Variants in C8orf34 observed in about 807,000 individuals in gnomAD.
The protein encoded by C8orf34 is chromosome 8 open reading frame 34, also known as uncharacterized protein C8orf34.
Under a neutral mutation model 68.3 loss-of-function variants are expected in C8orf34, and 65 were observed. The observed-to-expected ratio is 0.95, with a 90% confidence interval of 0.78 to 1.17. C8orf34 has a LOEUF of 1.17. C8orf34 is among the 50% of genes most tolerant of loss of function. The pLI, the probability that C8orf34 is intolerant of heterozygous loss-of-function variation, is 0.00. For missense variants in C8orf34, 664 were observed against 655.4 expected, an observed-to-expected ratio of 1.01 and a Z score of -0.14; for synonymous variants, 244 against 241.2, an observed-to-expected ratio of 1.01 and a Z score of -0.11.
At chr8:68,815,333 T>C (rs1303430398) in intron 12 of C8orf34, among the ~76,000 whole-genome samples, 1 of 151,752 alleles carries the variant, frequency 6.6e-6, no homozygotes, top group Admixed American at 6.6e-5. Flanking sequence ...ATAGTGTGTG[T>C]GCATATATAT....
intron 1 of C8orf34, among the ~76,000 whole-genome samples, chr8:68,430,778 TG>T (rs1433453611): frequency 1.3e-5 from 2 of 152,112 alleles, no homozygotes; most frequent in East Asian, 3.9e-4. Context: ...AATATTCTCT[TG>T]GGGGATGACT....
chr8:68,641,640 A>G (rs973956372), intron 8 of C8orf34, among the ~76,000 whole-genome samples: 1 of 152,172 alleles, frequency 6.6e-6, no homozygotes, highest in African/African-American at 2.4e-5. Flanking sequence ...ACAGTTGTAT[A>G]TTTACATTTT....
At position 68,468,822 on chromosome 8, in the gene C8orf34, T is replaced by G; in HGVS notation, c.736+2T>G. ...AAGCCCTTGAGAATCTCTCTCGAAG[T>G]AAGTTCATTTACTTGATTATAATTG... On this transcript the variant is annotated splice_donor_variant, in intron 4 of 13. Coordinates refer to ENST00000518698, the MANE Select transcript of C8orf34 (RefSeq NM_052958.4). LOFTEE classifies it high-confidence loss of function. 2 of 1,607,582 alleles carry G rather than the reference T, an allele frequency of 1.2e-6. No individual in the cohort carries two copies. Among genetic ancestry groups the G allele is most frequent in the Non-Finnish European group, 1.7e-6 (2 of 1,177,612 alleles).
chr8:68,481,284 T>C (rs535619120), intron 4 of C8orf34, among the ~76,000 whole-genome samples: 5 of 152,346 alleles, frequency 3.3e-5, no homozygotes, highest in Middle Eastern at 3.4e-3. Flanking sequence ...GCCTAGATTT[T>C]AGAGGATGCA....
chr8:68,552,176 T>C (rs1277090873), intron 7 of C8orf34, among the ~76,000 whole-genome samples: 1 of 152,152 alleles, frequency 6.6e-6, no homozygotes, highest in Non-Finnish European at 1.5e-5. Flanking sequence ...AACTCTGTGC[T>C]TTTTCAAATT....
chr8:68,751,994 A>G (rs144271771), intron 10 of C8orf34, among the ~76,000 whole-genome samples: 31 of 152,216 alleles, frequency 2.0e-4, no homozygotes, highest in African/African-American at 7.5e-4. Context: ...TAAGATTTTT[A>G]TGTTTTAGTT....
chr8:68,558,016 G>A (rs1419231583), intron 7 of C8orf34, among the ~76,000 whole-genome samples: 1 of 152,144 alleles, frequency 6.6e-6, no homozygotes, highest in Non-Finnish European at 1.5e-5. Context: ...TATAACTGGA[G>A]AAAGAAAACG....
chr8:68,785,262 C>T (rs371684647), intron 11 of C8orf34, among the ~76,000 whole-genome samples: 78 of 152,104 alleles, frequency 5.1e-4, no homozygotes, highest in African/African-American at 1.7e-3. Context: ...CTGTGTGTAG[C>T]CATCTGTATA....
intron 5 of C8orf34, among the ~76,000 whole-genome samples, chr8:68,512,015 C>T (rs1814296603): frequency 6.6e-6 from 1 of 152,116 alleles, no homozygotes; most frequent in African/African-American, 2.4e-5. Flanking sequence ...ATTCAAATGT[C>T]ACAATCTTCA....
chr8:68,667,555 G>T (rs1220411435), intron 8 of C8orf34, among the ~76,000 whole-genome samples: 2 of 152,148 alleles, frequency 1.3e-5, no homozygotes, highest in Non-Finnish European at 2.9e-5. Context: ...GATCTGTGGT[G>T]CTAACTCAGG....
At chr8:68,794,773 C>G (rs1213423557) in intron 12 of C8orf34, among the ~76,000 whole-genome samples, 5 of 151,640 alleles carry the variant, frequency 3.3e-5, no homozygotes, top group Non-Finnish European at 7.4e-5. Flanking sequence ...AGACATGAGC[C>G]ACATGCCTAG....
intron 8 of C8orf34, among the ~76,000 whole-genome samples, chr8:68,667,144 T>C (rs1404197423): frequency 1.3e-5 from 2 of 152,198 alleles, no homozygotes. Flanking sequence ...TCCCTATTTA[T>C]TTAAAGCCTT....
intron 1 of C8orf34, among the ~76,000 whole-genome samples, chr8:68,370,026 T>G (rs1237861135): frequency 6.6e-6 from 1 of 152,152 alleles, no homozygotes; most frequent in Non-Finnish European, 1.5e-5. Flanking sequence ...CTTTGTGGTG[T>G]TAGGTGGCAT....
intron 7 of C8orf34, among the ~76,000 whole-genome samples, chr8:68,615,471 C>T (rs1818177337): frequency 6.6e-6 from 1 of 152,200 alleles, no homozygotes; most frequent in South Asian, 2.1e-4. Context: ...CCCATCAATA[C>T]CTAATTTATT....
chr8:68,614,743 T>A (rs1285066215), intron 7 of C8orf34, among the ~76,000 whole-genome samples: 1 of 152,196 alleles, frequency 6.6e-6, no homozygotes, highest in Non-Finnish European at 1.5e-5. Context: ...GCTTTGTTCT[T>A]TTGGCTTAGG....
Position 68,677,531 on chromosome 8 carries a change from A to AT in C8orf34, c.1242-31455dup, listed in dbSNP as rs201058768. Among the ~76,000 whole-genome samples the AT allele has an allele frequency of 5.3e-5, 8 of 151,710 alleles. No homozygotes were observed. The East Asian group carries it at 7.8e-4, about 15-fold the overall frequency. ...GTGTCACCACACACAGCTAAGTCTT[A>AT]TTTTTTTTGTAGACAAGTTTTCATC... On this transcript the variant is annotated intron_variant, in intron 8 of 13. Transcript: ENST00000518698.
At chr8:68,410,503 A>G (rs1298864228) in intron 1 of C8orf34, among the ~76,000 whole-genome samples, 1 of 152,304 alleles carries the variant, frequency 6.6e-6, no homozygotes, top group East Asian at 1.9e-4. Flanking sequence ...TTTTATATCA[A>G]GGACTTGAGC....
chr8:68,493,302 T>G (rs1246090254), intron 5 of C8orf34, among the ~76,000 whole-genome samples: 1 of 150,906 alleles, frequency 6.6e-6, no homozygotes, highest in African/African-American at 2.4e-5. Flanking sequence ...ATTACTCAAT[T>G]AAAAATGGGC....
At chr8:68,529,080 C>G (rs934754039) in intron 6 of C8orf34, among the ~76,000 whole-genome samples, 1 of 152,154 alleles carries the variant, frequency 6.6e-6, no homozygotes, top group Admixed American at 6.5e-5. Context: ...CATGAAAGTA[C>G]GATGGAACTT....
Sources: gnomAD v4.1 joint callset for allele counts (sites outside exome capture counted in the v4.1 genomes callset) on GRCh38, gnomAD v4.1.1 for gene constraint, MANE v1.5 for transcripts, NCBI Gene and HGNC (gene_info 2026-07-23, HGNC 2026-07-21) for gene names.